DHRS4L2: variants seen among roughly 807,000 people sequenced by gnomAD.
DHRS4L2 encodes the protein dehydrogenase/reductase 4 like 2.
Under a neutral mutation model 23.9 loss-of-function variants are expected in DHRS4L2, and 22 were observed. That is an observed-to-expected ratio of 0.92 (90% confidence interval 0.66 to 1.31). The LOEUF (loss-of-function observed/expected upper bound fraction) is 1.31, where lower values mean the gene tolerates loss of function less well. DHRS4L2 is among the 40% of genes most tolerant of loss of function. The pLI is 0.00. For missense variants in DHRS4L2, 385 were observed against 303.3 expected (o/e 1.27, Z -2.00); for synonymous variants, 141 against 123.7 (o/e 1.14, Z -0.93).
intron 2 of DHRS4L2, among the ~76,000 whole-genome samples, chr14:23,994,237 T>C (rs1268094229): frequency 6.6e-6 from 1 of 151,584 alleles, no homozygotes; most frequent in Non-Finnish European, 1.5e-5. Flanking sequence ...CTTGGAGAAA[T>C]GTGGGTGGAA....
At position 23,995,147 on chromosome 14, in the gene DHRS4L2, A is replaced by T; in HGVS notation, c.408+14A>T. The T allele has an allele frequency of 6.2e-7, 1 of 1,612,040 alleles. No individual in the cohort carries two copies. The highest frequency in any genetic ancestry group is 8.5e-7 in the Non-Finnish European group (1 of 1,178,760). ...GTGTGGGACAAGGTGAGAGGGGATT[A>T]AAGAAGCGCGGAAGGGGGCCTCGGG... On this transcript the variant is annotated intron_variant, in intron 3 of 7. Transcript: ENST00000335125.
chr14:23,978,176 G>A (rs1432421314), intron 1 of DHRS4L2, among the ~76,000 whole-genome samples: 11 of 151,264 alleles, frequency 7.3e-5, no homozygotes, highest in South Asian at 4.2e-4. Flanking sequence ...TTGGCCCAGC[G>A]TACAAATGTA....
chr14:23,970,100 GC>G, exon 1 of DHRS4L2: 1 of 456,226 alleles, frequency 2.2e-6, no homozygotes, highest in South Asian at 1.5e-5. Flanking sequence ...GGTCAGGGTG[GC>G]CAAGCCCACC....
rs527371147 is a variant in DHRS4L2 at position 23,989,930 on chromosome 14, G to A, written c.129-252G>A. On this transcript the variant is annotated intron_variant, in intron 1 of 7. Coordinates refer to ENST00000335125, the MANE Select transcript of DHRS4L2 (RefSeq NM_198083.4). ...CAACAGGAGATGAAGCCTGTCACCC[G>A]TGGTGGGAACTGTAGAAAGTGATGT... Among the ~76,000 whole-genome samples the A allele has an allele frequency of 8.6e-5, 13 of 151,858 alleles. 1 individual carries two copies. Among genetic ancestry groups the A allele is most frequent in the East Asian group, 7.7e-4 (4 of 5,184 alleles).
chr14:23,991,590 C>T (rs2034270779), intron 2 of DHRS4L2, among the ~76,000 whole-genome samples: 1 of 151,608 alleles, frequency 6.6e-6, no homozygotes, highest in African/African-American at 2.4e-5. Context: ...GACGAGGTTC[C>T]AGATAACTCT....
At chr14:23,986,931 G>A (rs2034157183), upstream of DHRS4L2, among the ~76,000 whole-genome samples, 2 of 151,602 alleles carry the variant, frequency 1.3e-5, no homozygotes, top group South Asian at 2.1e-4. Context: ...GGCTCAGACT[G>A]AGGAGCACCA....
rs7267 is a variant in DHRS4L2, at chr14:24,006,355, A to G, written c.*492A>G. 54,638 of 236,252 alleles carry G rather than the reference A, an allele frequency of 0.23. 7,525 individuals carry two copies. Among genetic ancestry groups the G allele is most frequent in the African/African-American group, 0.54 (20,374 of 37,794 alleles). The allele number at this position is 236,252 out of a possible 1,614,324, so 14.6% of individuals were successfully genotyped here. The stretch of plus-strand genomic sequence containing the variant: ...GAAGGAGCAGAGTTGCAAATTAACA[A>G]CTTGCAAATGAGGTGCAAATAAAAT... On this transcript the variant is annotated 3_prime_UTR_variant, in exon 8 of 8. Coordinates refer to ENST00000335125, the MANE Select transcript of DHRS4L2 (RefSeq NM_198083.4).
At chr14:23,996,791 C>A (rs1449421810) in intron 3 of DHRS4L2, among the ~76,000 whole-genome samples, 1 of 151,590 alleles carries the variant, frequency 6.6e-6, no homozygotes, top group Non-Finnish European at 1.5e-5. Context: ...CAGGCATGTG[C>A]CATCATGCCT....
chr14:23,985,970 A>G (rs2034132907), upstream of DHRS4L2, among the ~76,000 whole-genome samples: 1 of 151,536 alleles, frequency 6.6e-6, no homozygotes, highest in Admixed American at 6.6e-5. Context: ...TAGTAAAGAC[A>G]GGATTTCACC....
intron 1 of DHRS4L2, among the ~76,000 whole-genome samples, chr14:23,976,064 A>G (rs2033957919): frequency 6.6e-6 from 1 of 151,548 alleles, no homozygotes; most frequent in African/African-American, 2.4e-5. Context: ...CTTCATGATA[A>G]AAACACCAAA....
At chr14:23,970,711 A>C (rs2332162) in intron 1 of DHRS4L2, among the ~76,000 whole-genome samples, 7,825 of 148,738 alleles carry the variant, frequency 0.053, 314 homozygotes, top group South Asian at 0.076. Context: ...AAAAACACCG[A>C]CCAGTAGGGG....
chr14:23,971,656 A>G (rs1291222357), intron 1 of DHRS4L2, among the ~76,000 whole-genome samples: 1 of 152,066 alleles, frequency 6.6e-6, no homozygotes, highest in Non-Finnish European at 1.5e-5. Context: ...AAACCAGAAA[A>G]GAGTTGGGAC....
rs368101183 is a variant in DHRS4L2, at chr14:23,995,155, G to A, written c.408+22G>A. ...CAAGGTGAGAGGGGATTAAAGAAGC[G>A]CGGAAGGGGGCCTCGGGACACATTC... On this transcript the variant is annotated intron_variant, in intron 3 of 7. Transcript: ENST00000335125. The A allele has an allele frequency of 7.8e-5, 126 of 1,609,212 alleles. 2 individuals are homozygous for A. The East Asian group carries it at 8.7e-4, about 11-fold the overall frequency.
chr14:23,974,265 T>C (rs2033924397), intron 1 of DHRS4L2, among the ~76,000 whole-genome samples: 2 of 148,402 alleles, frequency 1.3e-5, no homozygotes. Flanking sequence ...AGAGGGATAT[T>C]TACAGCACTG....
chr14:23,992,813 G>C (rs2034297245), intron 2 of DHRS4L2, among the ~76,000 whole-genome samples: 1 of 147,770 alleles, frequency 6.8e-6, no homozygotes, highest in Non-Finnish European at 1.5e-5. Context: ...AGCCTCCCAA[G>C]TGGCTAAAAC....
At chr14:23,994,908 C>T in intron 2 of DHRS4L2, 124 bp from the exon 3 acceptor site, 1 of 1,238,304 alleles carries the variant, frequency 8.1e-7, no homozygotes, top group Non-Finnish European at 1.1e-6. Context: ...CTTGGCCTCC[C>T]AAAGTGCTAT....
chr14:23,979,210 T>A (rs977131112), intron 1 of DHRS4L2, among the ~76,000 whole-genome samples: 4 of 149,144 alleles, frequency 2.7e-5, no homozygotes, highest in African/African-American at 9.9e-5. Context: ...CATTACATAA[T>A]GGTAAAGGGA....
rs1234501163 is a variant in DHRS4L2, at chr14:23,993,162, T to C, written c.307-1870T>C. The stretch of plus-strand genomic sequence containing the variant: ...CCAAACACATGTGTACTGAGCACAG[T>C]GCACATCACTTATTAACTTACTCTG... On this transcript the variant is annotated intron_variant, in intron 2 of 7. Transcript: ENST00000335125. Among the ~76,000 whole-genome samples the C allele has an allele frequency of 1.7e-4, 26 of 151,210 alleles. 1 individual carries two copies. Among genetic ancestry groups the C allele is most frequent in the African/African-American group, 2.2e-4 (9 of 41,082 alleles).
At chr14:23,969,952 A>G (rs2033810938) in exon 1 of DHRS4L2, 1 of 453,090 alleles carries the variant, frequency 2.2e-6, no homozygotes. Context: ...CGCTCACGCA[A>G]CCGCCACTGT....
Sources: gnomAD v4.1 joint callset for allele counts (sites outside exome capture counted in the v4.1 genomes callset) on GRCh38, gnomAD v4.1.1 for gene constraint, MANE v1.5 for transcripts, NCBI Gene and HGNC (gene_info 2026-07-23, HGNC 2026-07-21) for gene names.